Variants in PACRG observed in about 807,000 individuals in gnomAD.
PACRG encodes the protein parkin coregulated gene protein.
Under a neutral mutation model 29.7 loss-of-function variants are expected in PACRG, and 29 were observed. The ratio of observed to expected loss-of-function variants is 0.98; its 90% CI spans 0.73 to 1.33. The LOEUF (loss-of-function observed/expected upper bound fraction) is 1.33. PACRG is among the 40% of genes most tolerant of loss of function. The pLI, the probability that PACRG is intolerant of heterozygous loss-of-function variation, is 0.00. For missense variants in PACRG, 279 were observed against 316.2 expected (o/e 0.88, Z 0.89); for synonymous variants, 116 against 118.7 (o/e 0.98, Z 0.15).
chr6:163,238,603 T>G (rs746234281), intron 4 of PACRG, among the ~76,000 whole-genome samples: 1 of 152,238 alleles, frequency 6.6e-6, no homozygotes, highest in Non-Finnish European at 1.5e-5. Flanking sequence ...TTCATCCCAC[T>G]GCCCCACATG....
At chr6:163,251,281 T>C (rs1461956534) in intron 4 of PACRG, among the ~76,000 whole-genome samples, 2 of 151,890 alleles carry the variant, frequency 1.3e-5, no homozygotes, top group Non-Finnish European at 2.9e-5. Flanking sequence ...ATAATAAAAT[T>C]TAAATAAATA....
chr6:162,784,149 G>A (rs1301020638), intron 1 of PACRG, among the ~76,000 whole-genome samples: 2 of 152,140 alleles, frequency 1.3e-5, no homozygotes, highest in Non-Finnish European at 2.9e-5. Context: ...ATTTCTTCAA[G>A]TAATCCTTTA....
chr6:162,985,077 A>C (rs1341375439), intron 2 of PACRG, among the ~76,000 whole-genome samples: 1 of 151,990 alleles, frequency 6.6e-6, no homozygotes, highest in Non-Finnish European at 1.5e-5. Context: ...AACTGTCACC[A>C]AAAAAAGTTC....
At chr6:163,286,644 CA>C (rs1333614550) in intron 4 of PACRG, among the ~76,000 whole-genome samples, 1 of 152,182 alleles carries the variant, frequency 6.6e-6, no homozygotes, top group Non-Finnish European at 1.5e-5. Flanking sequence ...CTGAATTCAA[CA>C]GTTCTTACCT....
chr6:162,756,900 A>T (rs1781970177), intron 1 of PACRG, among the ~76,000 whole-genome samples: 1 of 152,094 alleles, frequency 6.6e-6, no homozygotes, highest in African/African-American at 2.4e-5. Flanking sequence ...CTTTCCTATA[A>T]TTGCATGTAA....
chr6:163,274,861 C>CTTTTTTTTTTTTTTTTTTTTTTTT (rs58333018), intron 4 of PACRG, among the ~76,000 whole-genome samples: 1 of 126,326 alleles, frequency 7.9e-6, no homozygotes, highest in Non-Finnish European at 1.6e-5. Flanking sequence ...TTCTTTCTTT[C>CTTTTTTTTTTTTTTTTTTTTTTTT]TTTTTTTTTT....
chr6:163,206,508 T>C (rs1028108281), intron 4 of PACRG, among the ~76,000 whole-genome samples: 1 of 151,752 alleles, frequency 6.6e-6, no homozygotes, highest in Admixed American at 6.6e-5. Context: ...CAAGAACACA[T>C]AGACACAAAG....
At chr6:162,907,957 G>A (rs1024617168) in intron 2 of PACRG, among the ~76,000 whole-genome samples, 1 of 152,030 alleles carries the variant, frequency 6.6e-6, no homozygotes, top group African/African-American at 2.4e-5. Context: ...AATCTCATAT[G>A]CCTTGAAAAC....
At chr6:162,921,647 C>T (rs1221984341) in intron 2 of PACRG, among the ~76,000 whole-genome samples, 1 of 152,088 alleles carries the variant, frequency 6.6e-6, no homozygotes. Flanking sequence ...CTTCCCCCTA[C>T]CCCCATTTAC....
intron 2 of PACRG, among the ~76,000 whole-genome samples, chr6:162,946,144 G>A (rs1257182086): frequency 2.0e-5 from 3 of 147,750 alleles, no homozygotes; most frequent in Non-Finnish European, 3.0e-5. Context: ...TAGAAGGAAA[G>A]AAATAATAAA....
intron 2 of PACRG, among the ~76,000 whole-genome samples, chr6:163,000,155 A>G (rs1463995623): frequency 2.0e-5 from 3 of 152,174 alleles, no homozygotes; most frequent in Non-Finnish European, 2.9e-5. Context: ...AGTCTAGGCC[A>G]TCCAGGCCAG....
chr6:163,192,433 A>G (rs1780256109), intron 4 of PACRG, among the ~76,000 whole-genome samples: 1 of 152,220 alleles, frequency 6.6e-6, no homozygotes, highest in Non-Finnish European at 1.5e-5. Context: ...GCTCGGGGAC[A>G]AGCTGTATTT....
chr6:163,304,208 C>T (rs1585414950), intron 4 of PACRG, among the ~76,000 whole-genome samples: 2 of 152,160 alleles, frequency 1.3e-5, no homozygotes, highest in African/African-American at 2.4e-5. Flanking sequence ...CTCATTTGAT[C>T]GAACATTTCC....
intron 2 of PACRG, among the ~76,000 whole-genome samples, chr6:163,040,612 G>A (rs1237752731): frequency 6.6e-6 from 1 of 152,228 alleles, no homozygotes; most frequent in Non-Finnish European, 1.5e-5. Context: ...GGCCATGGGA[G>A]CCCACCTCTT....
At chr6:163,047,585 C>G (rs1199542610) in intron 2 of PACRG, among the ~76,000 whole-genome samples, 1 of 152,200 alleles carries the variant, frequency 6.6e-6, no homozygotes, top group Non-Finnish European at 1.5e-5. Flanking sequence ...GATCTGCTTA[C>G]AACTGACCTT....
intron 4 of PACRG, among the ~76,000 whole-genome samples, chr6:163,100,410 T>A (rs1814996926): frequency 6.6e-6 from 1 of 152,084 alleles, no homozygotes; most frequent in Non-Finnish European, 1.5e-5. Flanking sequence ...GGCCCAGGCG[T>A]CGCGCGGCCA....
intron 4 of PACRG, among the ~76,000 whole-genome samples, chr6:163,254,502 C>T (rs1783032424): frequency 6.6e-6 from 1 of 152,208 alleles, no homozygotes; most frequent in Non-Finnish European, 1.5e-5. Flanking sequence ...TGAACCAGGA[C>T]CTGAGCCCTC....
chr6:162,979,273 T>C (rs1488955286), intron 2 of PACRG, among the ~76,000 whole-genome samples: 1 of 152,172 alleles, frequency 6.6e-6, no homozygotes, highest in Non-Finnish European at 1.5e-5. Context: ...ATTTCCCTGA[T>C]TATTAGACAT....
upstream of PACRG, chr6:162,727,328 C>CGGCGGGGCGAAGGTGAGGGGCGGA (rs1562531536): frequency 2.6e-6 from 1 of 387,718 alleles, no homozygotes; most frequent in Admixed American, 4.8e-5. Flanking sequence ...TGAGGGGCGG[C>CGGCGGGGCGAAGGTGAGGGGCGGA]GGCGGGGAGA....
Sources: allele counts gnomAD v4.1 joint callset (sites outside exome capture counted in the v4.1 genomes callset), GRCh38; gene constraint gnomAD v4.1.1; transcripts MANE v1.5; gene names NCBI Gene and HGNC (gene_info 2026-07-23, HGNC 2026-07-21).